Variants in KCNH1 observed in about 807,000 individuals in gnomAD.
KCNH1 encodes the protein voltage-gated delayed rectifier potassium channel KCNH1.
Under a neutral mutation model 69.2 loss-of-function variants are expected in KCNH1, and 27 were observed. The observed-to-expected ratio is 0.39, with a 90% CI of 0.29 to 0.54. The LOEUF (loss-of-function observed/expected upper bound fraction) is 0.54, where lower values mean the gene tolerates loss of function less well. KCNH1 is among the 20% of genes least tolerant of loss of function. The pLI is 0.68. For synonymous variants in KCNH1, 456 were observed against 487.7 expected (o/e 0.93, Z 0.86); for missense variants, 798 against 1,261.6 (o/e 0.63, Z 5.57).
chr1:210,920,134 C>T, intron 6 of KCNH1, 65 bp from the exon 7 acceptor site: 1 of 1,389,390 alleles, frequency 7.2e-7, no homozygotes, highest in Non-Finnish European at 9.9e-7. Flanking sequence ...TCCCCTCCGC[C>T]CCACTTGGGC....
At chr1:210,718,245 A>G (rs1682312391) in intron 10 of KCNH1, among the ~76,000 whole-genome samples, 2 of 103,514 alleles carry the variant, frequency 1.9e-5, no homozygotes, top group Non-Finnish European at 3.8e-5. Context: ...AAAAGTACTA[A>G]GTCTTCTATA....
At chr1:211,021,778 G>C (rs1689590052) in intron 5 of KCNH1, among the ~76,000 whole-genome samples, 1 of 151,970 alleles carries the variant, frequency 6.6e-6, no homozygotes, top group Admixed American at 6.6e-5. Flanking sequence ...TCTAACCAAA[G>C]AGAAGAAAAA....
intron 6 of KCNH1, among the ~76,000 whole-genome samples, chr1:210,953,408 T>A (rs1195619344): frequency 6.6e-6 from 1 of 152,182 alleles, no homozygotes; most frequent in Non-Finnish European, 1.5e-5. Flanking sequence ...CAAAAGAAGC[T>A]TTTCAATCCT....
intron 10 of KCNH1, among the ~76,000 whole-genome samples, chr1:210,722,284 T>A (rs1682489131): frequency 6.6e-6 from 1 of 152,192 alleles, no homozygotes; most frequent in Non-Finnish European, 1.5e-5. Context: ...GTAAAAGGGC[T>A]GTTTTGGCTT....
At chr1:211,006,598 T>G (rs1174412578) in intron 6 of KCNH1, among the ~76,000 whole-genome samples, 1 of 152,202 alleles carries the variant, frequency 6.6e-6, no homozygotes, top group African/African-American at 2.4e-5. Context: ...TTACATTCTA[T>G]TTCTTGACCT....
intron 7 of KCNH1, chr1:210,918,896 A>G (rs1010791752): frequency 3.3e-5 from 5 of 152,254 alleles, no homozygotes; most frequent in African/African-American, 2.4e-5. Context: ...TACATCAGAA[A>G]TATTACCATT....
At chr1:210,879,146 A>G (rs1280236738) in intron 7 of KCNH1, among the ~76,000 whole-genome samples, 1 of 152,086 alleles carries the variant, frequency 6.6e-6, no homozygotes, top group African/African-American at 2.4e-5. Context: ...TAAAACAGAA[A>G]GCACCAGACA....
intron 7 of KCNH1, among the ~76,000 whole-genome samples, chr1:210,831,664 G>C (rs914165401): frequency 6.6e-6 from 1 of 152,160 alleles, no homozygotes; most frequent in African/African-American, 2.4e-5. Flanking sequence ...GTAACCAAGA[G>C]TAAATATTTC....
intron 10 of KCNH1, among the ~76,000 whole-genome samples, chr1:210,684,469 C>T (rs1424715469): frequency 2.6e-5 from 4 of 152,214 alleles, no homozygotes; most frequent in Admixed American, 6.5e-5. Flanking sequence ...CTGTCCTAGC[C>T]TCTGTGCCTG....
chr1:211,068,634 T>TCCA (rs1475372524), intron 5 of KCNH1, among the ~76,000 whole-genome samples: 1 of 152,172 alleles, frequency 6.6e-6, no homozygotes, highest in African/African-American at 2.4e-5. Context: ...GACCTTGTGA[T>TCCA]CCACCTGCCT....
At chr1:211,039,648 G>C (rs1014084113) in intron 5 of KCNH1, among the ~76,000 whole-genome samples, 2 of 152,192 alleles carry the variant, frequency 1.3e-5, no homozygotes, top group African/African-American at 4.8e-5. Flanking sequence ...GGAATCAAAG[G>C]AGATCATTTT....
At chr1:210,995,979 T>C (rs993099524) in intron 6 of KCNH1, among the ~76,000 whole-genome samples, 1 of 151,942 alleles carries the variant, frequency 6.6e-6, no homozygotes, top group African/African-American at 2.4e-5. Context: ...TAAACCATAA[T>C]TGATGATTAA....
chr1:210,915,142 TC>T (rs1687309693), intron 7 of KCNH1, among the ~76,000 whole-genome samples: 1 of 152,154 alleles, frequency 6.6e-6, no homozygotes, highest in Non-Finnish European at 1.5e-5. Flanking sequence ...CAATTCTTCT[TC>T]CTTTGAGGGA....
intron 7 of KCNH1, among the ~76,000 whole-genome samples, chr1:210,828,535 C>T (rs370246238): frequency 6.6e-6 from 1 of 152,102 alleles, no homozygotes; most frequent in Non-Finnish European, 1.5e-5. Context: ...CAGCAGATTA[C>T]AAGCTCCAGG....
intron 10 of KCNH1, among the ~76,000 whole-genome samples, chr1:210,738,455 A>G (rs1270827432): frequency 1.3e-5 from 2 of 149,300 alleles, no homozygotes; most frequent in African/African-American, 2.5e-5. Flanking sequence ...TTCTGGGTCT[A>G]TGACTCCAGA....
intron 5 of KCNH1, among the ~76,000 whole-genome samples, chr1:211,059,425 A>C (rs1690380724): frequency 6.6e-6 from 1 of 151,990 alleles, no homozygotes; most frequent in African/African-American, 2.4e-5. Context: ...TGTAAAGCAA[A>C]TATTATTAGT....
intron 6 of KCNH1, among the ~76,000 whole-genome samples, chr1:210,931,801 G>GA (rs1326813394): frequency 3.4e-5 from 5 of 148,830 alleles, no homozygotes; most frequent in East Asian, 2.0e-4. Flanking sequence ...TCATAAAAGA[G>GA]AAAAAAACAG....
At chr1:210,831,002 G>T (rs1384700897) in intron 7 of KCNH1, among the ~76,000 whole-genome samples, 2 of 152,138 alleles carry the variant, frequency 1.3e-5, no homozygotes, top group Non-Finnish European at 2.9e-5. Flanking sequence ...TGAGTTTTCA[G>T]GCACACTGTC....
intron 10 of KCNH1, among the ~76,000 whole-genome samples, chr1:210,752,027 GGTA>G: frequency 6.6e-6 from 1 of 152,264 alleles, no homozygotes; most frequent in Non-Finnish European, 1.5e-5. Context: ...GAGGAGGTAA[GGTA>G]GTGTGAAGGA....
Sources: allele counts gnomAD v4.1 joint callset (sites outside exome capture counted in the v4.1 genomes callset), GRCh38; gene constraint gnomAD v4.1.1; transcripts MANE v1.5; gene names NCBI Gene and HGNC (gene_info 2026-07-23, HGNC 2026-07-21).